Variants in SACM1L observed in about 807,000 individuals in gnomAD.
The protein encoded by SACM1L is SAC1 like phosphatidylinositide phosphatase, also known as phosphatidylinositol-3-phosphatase SAC1.
Under a neutral mutation model 89.5 loss-of-function variants are expected in SACM1L, and 32 were observed. That is an observed-to-expected ratio of 0.36 (90% CI 0.27 to 0.48). The LOEUF (loss-of-function observed/expected upper bound fraction) is 0.48, where lower values mean the gene tolerates loss of function less well. Ranked by LOEUF, SACM1L falls within the 20% of genes least tolerant of loss-of-function variation. SACM1L has a pLI of 0.99. For synonymous variants in SACM1L, 213 were observed against 232.8 expected, an observed-to-expected ratio of 0.92 and a Z score of 0.77; for missense variants, 543 against 708.5, an observed-to-expected ratio of 0.77 and a Z score of 2.65.
At chr3:45,723,357 T>C (rs1698833499) in intron 10 of SACM1L, 118 bp from the exon 11 acceptor site, 2 of 364,620 alleles carry the variant, frequency 5.5e-6, no homozygotes, top group Non-Finnish European at 9.4e-6. Context: ...GACATCTTTC[T>C]TTTGAATATA....
intron 1 of SACM1L, among the ~76,000 whole-genome samples, chr3:45,698,544 C>G (rs1480305939): frequency 6.6e-6 from 1 of 152,112 alleles, no homozygotes; most frequent in African/African-American, 2.4e-5. Context: ...TATTTGTATA[C>G]TTTGTTATAA....
intron 11 of SACM1L, among the ~76,000 whole-genome samples, chr3:45,725,521 AG>A (rs1185765212): frequency 6.6e-6 from 1 of 152,140 alleles, no homozygotes; most frequent in African/African-American, 2.4e-5. Flanking sequence ...GTTAGTATAT[AG>A]AAATGCAACT....
chr3:45,714,237 G>GTTTTTT lies in SACM1L; in HGVS notation c.577+161_577+162insTTTTTT, dbSNP rs1435536599. ...AGAAAATCAAACTCATTGCTATTTT[G>GTTTTTT]TTTGTTTTTTTTTTTTTTAGAATGA... On this transcript the variant is annotated intron_variant, in intron 7 of 19. Coordinates refer to ENST00000389061, the MANE Select transcript of SACM1L (RefSeq NM_014016.5). Among the ~76,000 whole-genome samples, 9 of 18,598 alleles carry GTTTTTT rather than the reference G, an allele frequency of 4.8e-4. 2 individuals carry two copies. Among genetic ancestry groups the GTTTTTT allele is most frequent in the Non-Finnish European group, 3.7e-4 (3 of 8,086 alleles). The allele number at this position is 18,598 out of a possible 152,430, so 12.2% of individuals were successfully genotyped here. A position where few individuals can be genotyped will look rare whatever the true frequency, so the allele number is the denominator to read the frequency against.
chr3:45,730,868 G>GTGT (rs1699037043), intron 11 of SACM1L, among the ~76,000 whole-genome samples: 1 of 152,136 alleles, frequency 6.6e-6, no homozygotes, highest in Non-Finnish European at 1.5e-5. Flanking sequence ...TTTACTGCCC[G>GTGT]TGTTCAGAGA....
intron 1 of SACM1L, among the ~76,000 whole-genome samples, chr3:45,698,855 C>T (rs1314002437): frequency 1.3e-5 from 2 of 152,276 alleles, no homozygotes; most frequent in East Asian, 1.9e-4. Context: ...CAACCTCCAC[C>T]TCCTGGGTTC....
chr3:45,708,791 T>G (rs964015111), intron 4 of SACM1L, among the ~76,000 whole-genome samples: 2 of 152,310 alleles, frequency 1.3e-5, no homozygotes, highest in East Asian at 3.9e-4. Flanking sequence ...TTGTAACATG[T>G]AGATTAACAA....
intron 7 of SACM1L, among the ~76,000 whole-genome samples, chr3:45,716,967 C>T (rs1013104964): frequency 3.3e-5 from 5 of 152,202 alleles, no homozygotes; most frequent in Admixed American, 2.6e-4. Flanking sequence ...GTCATATTCT[C>T]TGCTAGATTT....
intron 7 of SACM1L, among the ~76,000 whole-genome samples, chr3:45,717,935 A>G: frequency 6.6e-6 from 1 of 152,258 alleles, no homozygotes; most frequent in South Asian, 2.1e-4. Flanking sequence ...TACATAAATA[A>G]TTTTTTTTAA....
rs769462161 is a variant in SACM1L at position 45,737,811 on chromosome 3, C to T, written c.1349C>T (p.Ala450Val). 34 of 1,613,932 alleles carry T rather than the reference C, an allele frequency of 2.1e-5. No homozygotes were observed. The highest frequency in any genetic ancestry group is 2.0e-4 in the East Asian group (9 of 44,898). ...DNANACAKQY[A>V]GTGALKTDFT... ...GCAAATGCTTGTGCCAAGCAATATG[C>T]GGGAACTGGTGCCTTGAAGACTGAC... is the stretch of plus-strand genomic sequence containing the variant. The change falls in exon 16 of 20, where the codon GCG becomes GTG. Residue 450 changes from alanine (A) to valine (V), a missense_variant. Ala to Val is a moderately conservative substitution (Grantham distance 64). This residue lies in a region of SACM1L where 370 missense variants were observed against 527.6 expected (regional missense o/e 0.70). Coordinates refer to ENST00000389061, the MANE Select transcript of SACM1L (RefSeq NM_014016.5).
At chr3:45,724,884 T>A (rs758112644) in intron 11 of SACM1L, among the ~76,000 whole-genome samples, 1 of 152,034 alleles carries the variant, frequency 6.6e-6, no homozygotes, top group Non-Finnish European at 1.5e-5. Flanking sequence ...GGTGTAAGGG[T>A]CCAACTTCAT....
At chr3:45,708,809 A>C (rs1235590717) in intron 4 of SACM1L, among the ~76,000 whole-genome samples, 1 of 152,234 alleles carries the variant, frequency 6.6e-6, no homozygotes, top group Admixed American at 6.5e-5. Flanking sequence ...CAAGTTAATC[A>C]TTTAGTAATG....
At chr3:45,724,133 C>T (rs1373440241) in intron 11 of SACM1L, among the ~76,000 whole-genome samples, 1 of 152,060 alleles carries the variant, frequency 6.6e-6, no homozygotes, top group African/African-American at 2.4e-5. Context: ...TTCTTTTAGG[C>T]TTATACTTAG....
At chr3:45,726,836 C>A in intron 11 of SACM1L, among the ~76,000 whole-genome samples, 1 of 149,972 alleles carries the variant, frequency 6.7e-6, no homozygotes, top group African/African-American at 2.4e-5. Flanking sequence ...TTTACAGCGA[C>A]AAATTTTCCT....
chr3:45,739,783 C>T, intron 19 of SACM1L, 139 bp downstream of exon 19: 1 of 780,258 alleles, frequency 1.3e-6, no homozygotes, highest in Non-Finnish European at 2.2e-6. Flanking sequence ...ATTAGATTGT[C>T]ATTAGATGTG....
At chr3:45,725,018 G>C (rs1389739719) in intron 11 of SACM1L, among the ~76,000 whole-genome samples, 1 of 152,078 alleles carries the variant, frequency 6.6e-6, no homozygotes, top group Non-Finnish European at 1.5e-5. Context: ...TTATTTTGAG[G>C]CTCTGTTCTA....
intron 7 of SACM1L, among the ~76,000 whole-genome samples, 158 bp downstream of exon 7, chr3:45,714,237 G>GT (rs1435536599): frequency 3.2e-3 from 59 of 18,580 alleles, no homozygotes; most frequent in African/African-American, 7.1e-3. Flanking sequence ...TTGCTATTTT[G>GT]TTTGTTTTTT....
chr3:45,717,935 A>AT (rs553624293), intron 7 of SACM1L, among the ~76,000 whole-genome samples: 10 of 152,140 alleles, frequency 6.6e-5, no homozygotes, highest in African/African-American at 1.4e-4. Flanking sequence ...TACATAAATA[A>AT]TTTTTTTTAA....
At chr3:45,724,030 A>C (rs141617841) in intron 11 of SACM1L, among the ~76,000 whole-genome samples, 1 of 151,878 alleles carries the variant, frequency 6.6e-6, no homozygotes, top group East Asian at 1.9e-4. Flanking sequence ...CTATTGATGG[A>C]CATTTGGGTT....
chr3:45,738,565 C>T lies in SACM1L; in HGVS notation c.1383-13C>T, dbSNP rs117213460. ...TACAAACCTGTAACTTAAAATTTAA[C>T]CTCTTTAACCAGAACTGGAAAGAGA... On this transcript the variant is annotated splice_polypyrimidine_tract_variant and intron_variant, in intron 16 of 19. Coordinates refer to ENST00000389061, the MANE Select transcript of SACM1L (RefSeq NM_014016.5). 976 of 1,543,174 alleles carry T rather than the reference C, an allele frequency of 6.3e-4. 15 individuals are homozygous for T. The East Asian group carries it at 0.022, about 34-fold the overall frequency.
Sources: gnomAD v4.1 joint callset for allele counts (sites outside exome capture counted in the v4.1 genomes callset) on GRCh38, gnomAD v4.1.1 for gene constraint, gnomAD v4.1.1 regional missense constraint, MANE v1.5 for transcripts, NCBI Gene and HGNC (gene_info 2026-07-23, HGNC 2026-07-21) for gene names.